CYRIA: variants seen among roughly 807,000 people sequenced by gnomAD.
CYRIA encodes the protein CYFIP-related Rac1 interactor A.
A neutral mutation model predicts 43.9 loss-of-function variants in CYRIA; 15 were observed. The ratio of observed to expected loss-of-function variants is 0.34; its 90% confidence interval spans 0.23 to 0.53. The LOEUF is 0.53. CYRIA is among the 20% of genes least tolerant of loss of function. CYRIA has a pLI of 0.94. For synonymous variants in CYRIA, 117 were observed against 136.0 expected, an observed-to-expected ratio of 0.86 and a Z score of 0.97; for missense variants, 236 against 394.2, an observed-to-expected ratio of 0.60 and a Z score of 3.40.
At chr2:16,603,117 C>T (rs1243487081) in intron 2 of CYRIA, among the ~76,000 whole-genome samples, 3 of 152,114 alleles carry the variant, frequency 2.0e-5, no homozygotes, top group Admixed American at 1.3e-4. Context: ...CAGTGCCTGT[C>T]GGACAGAATG....
chr2:16,562,842 G>A (rs769051018), intron 5 of CYRIA, among the ~76,000 whole-genome samples: 17 of 152,140 alleles, frequency 1.1e-4, no homozygotes, highest in Middle Eastern at 3.4e-3. Context: ...AAACACAGAC[G>A]TGCTCATTCT....
chr2:16,602,972 A>G (rs1179749254), intron 2 of CYRIA, among the ~76,000 whole-genome samples: 1 of 152,084 alleles, frequency 6.6e-6, no homozygotes, highest in Non-Finnish European at 1.5e-5. Context: ...AGTATCCTGC[A>G]AATAGTCTCC....
At position 16,559,045 on chromosome 2, in the gene CYRIA, G is replaced by T. The variant is rs563450342; in HGVS notation, c.837+415C>A. Among the ~76,000 whole-genome samples the T allele has an allele frequency of 5.9e-5, 9 of 152,266 alleles. No homozygotes were observed. In the South Asian group the frequency reaches 1.9e-3, roughly 32 times the overall value. On this transcript the variant is annotated intron_variant, in intron 10 of 11. Transcript: ENST00000381323. ...GGACATGAGTGGAGCAACAGGTAGT[G>T]GTGGGAGAGGAAGTGAAAGGTAATT...
chr2:16,602,505 A>C (rs1452372789), intron 2 of CYRIA, among the ~76,000 whole-genome samples: 2 of 152,178 alleles, frequency 1.3e-5, no homozygotes, highest in African/African-American at 2.4e-5. Flanking sequence ...CAAAGGGAGA[A>C]AAGTTATCAT....
At chr2:16,622,023 G>C (rs1190093868) in intron 2 of CYRIA, among the ~76,000 whole-genome samples, 1 of 152,136 alleles carries the variant, frequency 6.6e-6, no homozygotes, top group African/African-American at 2.4e-5. Flanking sequence ...TCTACTGACT[G>C]AATGGATGAC....
intron 3 of CYRIA, among the ~76,000 whole-genome samples, chr2:16,573,722 C>T (rs1158814855): frequency 1.3e-5 from 2 of 152,210 alleles, no homozygotes; most frequent in Non-Finnish European, 1.5e-5. Context: ...ACAACTCTCT[C>T]TCTTTGTCTG....
chr2:16,574,635 A>T (rs1474889946), intron 3 of CYRIA, among the ~76,000 whole-genome samples: 1 of 152,210 alleles, frequency 6.6e-6, no homozygotes. Context: ...ACTAAAAGGT[A>T]CCAAGGTACA....
At chr2:16,573,124 T>C (rs531057842) in intron 3 of CYRIA, among the ~76,000 whole-genome samples, 3 of 152,334 alleles carry the variant, frequency 2.0e-5, no homozygotes, top group South Asian at 2.1e-4. Context: ...AGTTTCTTCA[T>C]TGGTGACTGT....
At chr2:16,659,946 C>T (rs936726420) in intron 1 of CYRIA, among the ~76,000 whole-genome samples, 1 of 152,036 alleles carries the variant, frequency 6.6e-6, no homozygotes, top group Non-Finnish European at 1.5e-5. Context: ...ACTCCTGTGT[C>T]TCTGCTTGTC....
rs141536025 is a variant in CYRIA, at chr2:16,626,649, C to T, written c.-166-2630G>A. Among the ~76,000 whole-genome samples, 31 of 152,322 alleles carry T rather than the reference C, an allele frequency of 2.0e-4. No individual in the cohort carries two copies. In the East Asian group the frequency reaches 4.2e-3, roughly 21 times the overall value. ...ATTGCTGATGGTTTACTGTGTGAGT[C>T]ACCCCGGGGCCAAGTGTCCATTAGG... On this transcript the variant is annotated intron_variant, in intron 1 of 11. Transcript: ENST00000381323.
At chr2:16,638,626 T>G (rs1029664859) in intron 1 of CYRIA, among the ~76,000 whole-genome samples, 1 of 152,058 alleles carries the variant, frequency 6.6e-6, no homozygotes, top group African/African-American at 2.4e-5. Context: ...GGAGGGAGGC[T>G]TGCACCGCAC....
chr2:16,635,728 C>G (rs917683220), intron 1 of CYRIA, among the ~76,000 whole-genome samples: 1 of 152,064 alleles, frequency 6.6e-6, no homozygotes, highest in African/African-American at 2.4e-5. Context: ...TCCAGAGCCG[C>G]GATGGTCAGA....
intron 2 of CYRIA, among the ~76,000 whole-genome samples, chr2:16,611,739 C>T (rs543202422): frequency 2.1e-5 from 3 of 142,326 alleles, no homozygotes; most frequent in Admixed American, 2.1e-4. Flanking sequence ...ACTTTGGGAT[C>T]TGCTGAGATC....
chr2:16,638,418 C>T (rs1430190673), intron 1 of CYRIA, among the ~76,000 whole-genome samples: 2 of 152,162 alleles, frequency 1.3e-5, no homozygotes, highest in African/African-American at 2.4e-5. Flanking sequence ...CCGGGAAAAG[C>T]TTCCTGGAGG....
At chr2:16,658,203 C>T (rs1385634560) in intron 1 of CYRIA, among the ~76,000 whole-genome samples, 1 of 152,008 alleles carries the variant, frequency 6.6e-6, no homozygotes, top group Non-Finnish European at 1.5e-5. Context: ...ATTGAAAGCT[C>T]GAAAGCTAGA....
intron 2 of CYRIA, among the ~76,000 whole-genome samples, chr2:16,618,326 T>C (rs1324196009): frequency 1.3e-5 from 2 of 152,156 alleles, no homozygotes; most frequent in Non-Finnish European, 2.9e-5. Context: ...GAATTTCTCC[T>C]GATATAAAAG....
chr2:16,620,420 G>A (rs1192559391), intron 2 of CYRIA, among the ~76,000 whole-genome samples: 1 of 152,232 alleles, frequency 6.6e-6, no homozygotes. Context: ...AGCATCAATG[G>A]TGGGAAGGGA....
Position 16,624,151 on chromosome 2 carries a change from T to C in CYRIA, c.-166-132A>G, listed in dbSNP as rs1251910449. 5.9e-5 allele frequency: 9 copies of C among 152,236 alleles called. 1 individual carries two copies. Among genetic ancestry groups the C allele is most frequent in the Non-Finnish European group, 1.3e-4 (9 of 68,046 alleles). The allele number at this position is 152,236 out of a possible 1,614,324, so 9.4% of individuals were successfully genotyped here. A position where few individuals can be genotyped will look rare whatever the true frequency, so the allele number is the denominator to read the frequency against. On this transcript the variant is annotated intron_variant, in intron 1 of 11. Transcript: ENST00000381323. ...TCAGGCCTGAAGGACATCTAAGAGATAGTCTTGTCTAATTCTTTCATTTTA... is the reference window on the plus strand; with the variant it reads ...TCAGGCCTGAAGGACATCTAAGAGACAGTCTTGTCTAATTCTTTCATTTTA...
intron 1 of CYRIA, among the ~76,000 whole-genome samples, chr2:16,663,662 G>A (rs1001697620): frequency 6.6e-6 from 1 of 151,884 alleles, no homozygotes; most frequent in African/African-American, 2.4e-5. Flanking sequence ...ATTCTTCTTG[G>A]TGCTGAGTAA....
Sources: gnomAD v4.1 joint callset for allele counts (sites outside exome capture counted in the v4.1 genomes callset) on GRCh38, gnomAD v4.1.1 for gene constraint, MANE v1.5 for transcripts, NCBI Gene and HGNC (gene_info 2026-07-23, HGNC 2026-07-21) for gene names.